Variants in PKNOX2 observed in about 807,000 individuals in gnomAD.
PKNOX2 encodes the protein homeobox protein PKNOX2.
In PKNOX2, 14 loss-of-function variants were observed where a neutral mutation model predicts 53.1. The observed-to-expected ratio is 0.26, with a 90% CI of 0.17 to 0.41. The LOEUF is 0.41. PKNOX2 is among the 10% of genes least tolerant of loss of function. The pLI is 1.00. For missense variants in PKNOX2, 496 were observed against 602.8 expected (o/e 0.82, Z 1.85); for synonymous variants, 257 against 242.8 (o/e 1.06, Z -0.54).
At chr11:125,188,777 G>C (rs1565464745) in intron 1 of PKNOX2, among the ~76,000 whole-genome samples, 2 of 152,096 alleles carry the variant, frequency 1.3e-5, no homozygotes. Context: ...TTTCTGGGTC[G>C]CTGGAGGTGT....
chr11:125,348,919 A>ACTCTGCCCCCAGG (rs1316678661), intron 3 of PKNOX2, among the ~76,000 whole-genome samples: 1 of 151,910 alleles, frequency 6.6e-6, no homozygotes, highest in African/African-American at 2.4e-5. Flanking sequence ...TCCCACCCTG[A>ACTCTGCCCCCAGG]CTCTGCCCCC....
At chr11:125,332,500 T>C (rs1193481214) in intron 3 of PKNOX2, 1 of 152,216 alleles carries the variant, frequency 6.6e-6, no homozygotes, top group Non-Finnish European at 1.5e-5. Context: ...AATCCTCTTA[T>C]CTGATAGGGT....
At chr11:125,281,097 C>T (rs971960733) in intron 2 of PKNOX2, among the ~76,000 whole-genome samples, 3 of 152,154 alleles carry the variant, frequency 2.0e-5, no homozygotes, top group Non-Finnish European at 4.4e-5. Context: ...TGACAGCTCT[C>T]GTGTCAGGGT....
At position 125,370,981 on chromosome 11, in the gene PKNOX2, C is replaced by G. The variant is rs76719455; in HGVS notation, c.227+2996C>G. Among the ~76,000 whole-genome samples the G allele has an allele frequency of 9.2e-3, 1,399 of 152,238 alleles. 28 individuals are homozygous for G. Among genetic ancestry groups the G allele is most frequent in the African/African-American group, 0.032 (1,322 of 41,532 alleles). On this transcript the variant is annotated intron_variant, in intron 5 of 12. Transcript: ENST00000298282. This position sits in a 1 kb window ranked among gnomAD's most constrained non-coding sequence, Gnocchi z 4.1. ...GCCCCTCCCTGCCTAGGACACTGCT[C>G]GGTGGCAGAGGGGCAGTGTGACAAA...
chr11:125,349,159 T>C (rs1221136542), intron 3 of PKNOX2, among the ~76,000 whole-genome samples: 1 of 152,176 alleles, frequency 6.6e-6, no homozygotes, highest in Non-Finnish European at 1.5e-5. Flanking sequence ...AAAGAGAAAT[T>C]CCACCCACTT....
At chr11:125,407,651 A>G (rs896791007) in intron 7 of PKNOX2, among the ~76,000 whole-genome samples, 13 of 152,068 alleles carry the variant, frequency 8.5e-5, no homozygotes, top group South Asian at 2.1e-4. Context: ...CTGTAATCCC[A>G]TGACTCAGGA....
At chr11:125,334,486 A>C (rs1379746838) in intron 3 of PKNOX2, among the ~76,000 whole-genome samples, 3 of 152,074 alleles carry the variant, frequency 2.0e-5, no homozygotes, top group Non-Finnish European at 2.9e-5. Context: ...TGGTTCCTTG[A>C]GGAAACTTAG....
At position 125,430,027 on chromosome 11, in the gene PKNOX2, C is replaced by A; in HGVS notation, c.1078C>A (p.Pro360Thr). The change falls in exon 12 of 13, where the codon CCC becomes ACC. Residue 360 changes from proline to threonine, a missense_variant. By Grantham distance (38) the Pro-to-Thr change is conservative (BLOSUM62 -1). Transcript: ENST00000298282. Reference sequence around the variant, plus strand: ...TGATGCCAGCAACCCAGATCCTGCCCCCAAAGCCAAGAAGATCAAGTCTCA... The same window carrying A: ...TGATGCCAGCAACCCAGATCCTGCCACCAAAGCCAAGAAGATCAAGTCTCA... ...MLDASNPDPAPKAKKIKSQHR... is the reference protein window; with the variant it reads ...MLDASNPDPATKAKKIKSQHR... 1.2e-6 allele frequency: 2 copies of A among 1,614,184 alleles called. No homozygotes were observed. The highest frequency in any genetic ancestry group is 2.2e-5 in the East Asian group (1 of 44,872).
intron 2 of PKNOX2, among the ~76,000 whole-genome samples, chr11:125,322,910 AG>A: frequency 6.6e-6 from 1 of 152,358 alleles, no homozygotes; most frequent in East Asian, 1.9e-4. Context: ...ATAAACAAAA[AG>A]TTAACGGATG....
chr11:125,373,377 G>A (rs112000056), intron 5 of PKNOX2, among the ~76,000 whole-genome samples: 2,938 of 152,260 alleles, frequency 0.019, 102 homozygotes, highest in African/African-American at 0.067. Flanking sequence ...GGACAGGATC[G>A]GGGTCACGAG....
rs146547982 is a variant in PKNOX2, at chr11:125,280,276, A to G, written c.-130+45161A>G. Among the ~76,000 whole-genome samples the G allele has an allele frequency of 7.9e-5, 12 of 152,286 alleles. No individual in the cohort carries two copies. The East Asian group carries it at 2.3e-3, about 29-fold the overall frequency. ...CCGGCTTTGATATGCACCTCGTGAC[A>G]GCGTGAACCTGCACCCAGACTCCTG... On this transcript the variant is annotated intron_variant, in intron 2 of 12. Transcript: ENST00000298282.
At chr11:125,181,317 A>C (rs879324135) in intron 1 of PKNOX2, among the ~76,000 whole-genome samples, 1 of 152,252 alleles carries the variant, frequency 6.6e-6, no homozygotes, top group African/African-American at 2.4e-5. Flanking sequence ...AGAATGTGAG[A>C]TGCATTACGA....
chr11:125,315,673 G>A (rs1014123431), intron 2 of PKNOX2, among the ~76,000 whole-genome samples: 5 of 152,178 alleles, frequency 3.3e-5, no homozygotes, highest in South Asian at 2.1e-4. Flanking sequence ...GTAGTGACCC[G>A]CTCCATGCTT....
chr11:125,336,796 A>G (rs1449212833), intron 3 of PKNOX2, among the ~76,000 whole-genome samples: 6 of 147,204 alleles, frequency 4.1e-5, no homozygotes, highest in Non-Finnish European at 7.4e-5. Flanking sequence ...TATACTATAT[A>G]ATATATGCAG....
rs542570962 is a variant in PKNOX2 at position 125,216,633 on chromosome 11, C to T, written c.-200-18412C>T. 8.5e-5 allele frequency among the ~76,000 whole-genome samples: 13 copies of T among 152,330 alleles called. 1 individual carries two copies. The highest frequency in any genetic ancestry group is 7.2e-4 in the Admixed American group (11 of 15,294). ...TCGTCTGTGAAAACTGAGAGACACC[C>T]GGGCAGAGGTGCCTTTCTCAGAGTT... On this transcript the variant is annotated intron_variant, in intron 1 of 12. Coordinates refer to ENST00000298282, the MANE Select transcript of PKNOX2 (RefSeq NM_001382323.2).
intron 7 of PKNOX2, among the ~76,000 whole-genome samples, chr11:125,405,439 G>C (rs997296471): frequency 6.6e-6 from 1 of 152,176 alleles, no homozygotes; most frequent in African/African-American, 2.4e-5. Context: ...GTGGCTCACA[G>C]GGACAGACAG....
At chr11:125,317,095 A>G (rs1462787557) in intron 2 of PKNOX2, among the ~76,000 whole-genome samples, 2 of 152,258 alleles carry the variant, frequency 1.3e-5, no homozygotes, top group African/African-American at 4.8e-5. Flanking sequence ...TTGTTCATCC[A>G]TAAGAAGCAA....
intron 2 of PKNOX2, among the ~76,000 whole-genome samples, chr11:125,301,932 C>CT: frequency 6.6e-6 from 1 of 152,212 alleles, no homozygotes; most frequent in Non-Finnish European, 1.5e-5. Context: ...TAGGCACCTA[C>CT]TGTGTGCAAA....
Position 125,232,997 on chromosome 11 carries a change from G to A in PKNOX2, c.-200-2048G>A, listed in dbSNP as rs148299264. Reference sequence around the variant, plus strand: ...AAAAAAAGTGGGTTTGCACGTGGACGTAGGATATACTAATTTGATGGTTTA... The same window carrying A: ...AAAAAAAGTGGGTTTGCACGTGGACATAGGATATACTAATTTGATGGTTTA... On this transcript the variant is annotated intron_variant, in intron 1 of 12. Coordinates refer to ENST00000298282, the MANE Select transcript of PKNOX2 (RefSeq NM_001382323.2). Among the ~76,000 whole-genome samples the A allele has an allele frequency of 4.0e-3, 605 of 152,112 alleles. 3 individuals carry two copies. Among genetic ancestry groups the A allele is most frequent in the African/African-American group, 0.013 (559 of 41,478 alleles).
Sources: allele counts gnomAD v4.1 joint callset (sites outside exome capture counted in the v4.1 genomes callset), GRCh38; gene constraint gnomAD v4.1.1; non-coding constraint Gnocchi (gnomAD v3.1); transcripts MANE v1.5; gene names NCBI Gene and HGNC (gene_info 2026-07-23, HGNC 2026-07-21).